The following SART3 variants were observed in gnomAD, a reference collection of about 807,000 sequenced individuals.
The protein encoded by SART3 is spliceosome associated factor 3, U4/U6 recycling protein.
SART3 carries 44 observed loss-of-function variants against 122.3 expected under a neutral mutation model. That is an observed-to-expected ratio of 0.36 (90% CI 0.28 to 0.46). The LOEUF (loss-of-function observed/expected upper bound fraction) is 0.46. Among genes scored for constraint, SART3 ranks in the 20% least tolerant of loss-of-function variants. The pLI is 1.00. For synonymous variants in SART3, 442 were observed against 454.0 expected (o/e 0.97, Z 0.34); for missense variants, 1,101 against 1,229.0 (o/e 0.90, Z 1.56).
chr12:108,558,178 T>C (rs77054706), intron 1 of SART3, among the ~76,000 whole-genome samples: 305 of 151,574 alleles, frequency 2.0e-3, no homozygotes, highest in African/African-American at 6.8e-3. Flanking sequence ...AAAAAATTAA[T>C]AAACACTGAG....
chr12:108,557,206 GTTT>G (rs71076787), intron 1 of SART3, among the ~76,000 whole-genome samples: 3,768 of 82,488 alleles, frequency 0.046, 23 homozygotes, highest in African/African-American at 0.073. Flanking sequence ...TAATGACATA[GTTT>G]TTTTTTTTTT....
At chr12:108,524,718 G>GT (rs1464850220) in intron 17 of SART3, 1 of 602,688 alleles carries the variant, frequency 1.7e-6, no homozygotes, top group Admixed American at 2.9e-5. Context: ...GCTATGCACT[G>GT]TAACTTCAGA....
Position 108,524,087 on chromosome 12 carries a change from A to G in SART3, c.2714+229T>C, listed in dbSNP as rs1872256225. The G allele has an allele frequency of 1.2e-5, 7 of 595,406 alleles. No homozygotes were observed. The East Asian group carries it at 2.0e-4, about 17-fold the overall frequency. The allele number at this position is 595,406 out of a possible 1,614,324, so 36.9% of individuals were successfully genotyped here. The stretch of plus-strand genomic sequence containing the variant: ...CACTGCCTTATTTCTGTCTGAAATA[A>G]ATGACAAGTGTAAATTGGCCAGTAC... On this transcript the variant is annotated intron_variant, in intron 18 of 18. Coordinates refer to ENST00000546815, the MANE Select transcript of SART3 (RefSeq NM_014706.4).
In SART3 at chr12:108,523,158, C is replaced by T. The variant is rs1872202972; in HGVS notation, c.*299G>A. ...CATTTGGACAACTGTGTCTCAAAAA[C>T]AGTGTGTTCTCGTTTCGCTTCTGTG... On this transcript the variant is annotated 3_prime_UTR_variant, in exon 19 of 19. Coordinates refer to ENST00000546815, the MANE Select transcript of SART3 (RefSeq NM_014706.4). 1 of 494,876 alleles carries T rather than the reference C, an allele frequency of 2.0e-6. No individual in the cohort carries two copies. Among genetic ancestry groups the T allele is most frequent in the African/African-American group, 1.9e-5 (1 of 51,824 alleles). 30.7% of individuals were successfully genotyped at this position (494,876 alleles called of 1,614,324 possible). A position where few individuals can be genotyped will look rare whatever the true frequency, so the allele number is the denominator to read the frequency against.
chr12:108,526,119 T>C lies in SART3; in HGVS notation c.2350A>G (p.Ser784Gly), dbSNP rs746263172. 2 of 1,614,204 alleles carry C rather than the reference T, an allele frequency of 1.2e-6. No individual in the cohort carries two copies. The highest frequency in any genetic ancestry group is 8.5e-7 in the Non-Finnish European group (1 of 1,180,016). ...CCTACCTTAAAATCGGGGTTTTTGC[T>C]CTTATCCACACAGGGGGAAACAAAC... ...PMFVSPCVDK[S>G]KNPDFKVFRY... The change falls in exon 16 of 19, where the codon AGC becomes GGC. Residue 784 changes from serine to glycine, a missense_variant. By Grantham distance (56) the Ser-to-Gly change is moderately conservative. Transcript: ENST00000546815.
At chr12:108,532,711 GTT>G (rs982504387) in intron 12 of SART3, 5 of 293,090 alleles carry the variant, frequency 1.7e-5, no homozygotes, top group East Asian at 8.8e-5. Context: ...TGACAGGAGA[GTT>G]ATGAATCCAG....
intron 6 of SART3, among the ~76,000 whole-genome samples, chr12:108,541,558 G>A (rs965764725): frequency 2.6e-5 from 4 of 151,406 alleles, no homozygotes; most frequent in South Asian, 2.1e-4. Context: ...TTTTTGAGAC[G>A]GAGTCTCACA....
At chr12:108,549,281 C>G (rs2029894658) in intron 1 of SART3, 67 bp from the exon 2 acceptor site, 1 of 1,534,442 alleles carries the variant, frequency 6.5e-7, no homozygotes, top group Non-Finnish European at 9.0e-7. Context: ...TTTGTCACTA[C>G]TGGTAACTAC....
At position 108,523,105 on chromosome 12, in the gene SART3, AC is replaced by A. The variant is rs2136657465; in HGVS notation, c.*351del. The A allele has an allele frequency of 2.2e-5, 8 of 369,468 alleles. 1 individual carries two copies. The highest frequency in any genetic ancestry group is 2.2e-4 in the South Asian group (8 of 37,106). 22.9% of individuals were successfully genotyped at this position (369,468 alleles called of 1,614,324 possible). ...GTGCAGGGTGGAAGAGAAGTGTCAT[AC>A]AAAAAGGGGCCGGAGCTGGCCAGAA... On this transcript the variant is annotated 3_prime_UTR_variant, in exon 19 of 19. Transcript: ENST00000546815.
chr12:108,555,105 T>C (rs1318283491), intron 1 of SART3, among the ~76,000 whole-genome samples: 1 of 152,190 alleles, frequency 6.6e-6, no homozygotes, highest in Non-Finnish European at 1.5e-5. Flanking sequence ...GTTGTATATA[T>C]GCAAATGAAA....
In SART3 at chr12:108,530,350, A is replaced by C. The variant is rs370821235; in HGVS notation, c.1747-40T>G. ...AGATGATGCATCGCTGGATGTGGCA[A>C]TTACATTCACTGTACTGATTTGTCA... On this transcript the variant is annotated intron_variant, in intron 14 of 18. Transcript: ENST00000546815. The C allele has an allele frequency of 3.4e-5, 55 of 1,605,392 alleles. No individual in the cohort carries two copies. The East Asian group carries it at 1.2e-3, about 34-fold the overall frequency.
At chr12:108,547,586 TA>T (rs1873486177) in intron 3 of SART3, among the ~76,000 whole-genome samples, 1 of 152,184 alleles carries the variant, frequency 6.6e-6, no homozygotes, top group Non-Finnish European at 1.5e-5. Context: ...CCAAAACCTC[TA>T]AAAACCTATT....
At chr12:108,551,356 C>G (rs2030002253) in intron 1 of SART3, among the ~76,000 whole-genome samples, 1 of 152,144 alleles carries the variant, frequency 6.6e-6, no homozygotes, top group African/African-American at 2.4e-5. Context: ...AAAACTATTA[C>G]AGAGCTCAAA....
intron 1 of SART3, among the ~76,000 whole-genome samples, chr12:108,550,709 A>C (rs2029970851): frequency 6.6e-6 from 1 of 152,136 alleles, no homozygotes; most frequent in Non-Finnish European, 1.5e-5. Context: ...AAAAAATACA[A>C]AAAATTAGCT....
At chr12:108,532,663 G>A (rs1593236625) in intron 12 of SART3, 1 of 334,092 alleles carries the variant, frequency 3.0e-6, no homozygotes. Flanking sequence ...TCTGTAACCT[G>A]ATACAGTCCC....
intron 12 of SART3, among the ~76,000 whole-genome samples, chr12:108,533,242 A>T (rs1355707533): frequency 6.6e-6 from 1 of 152,090 alleles, no homozygotes; most frequent in East Asian, 1.9e-4. Flanking sequence ...GGACTTTTTC[A>T]CTGTGTTGAC....
rs1252373458 is a variant in SART3, at chr12:108,522,243, TTCTG to T, written c.*1210_*1213del. Among the ~76,000 whole-genome samples, 4 of 152,328 alleles carry T rather than the reference TTCTG, an allele frequency of 2.6e-5. No individual in the cohort carries two copies. The highest frequency in any genetic ancestry group is 5.9e-5 in the Non-Finnish European group (4 of 68,040). On this transcript the variant is annotated 3_prime_UTR_variant, in exon 19 of 19. Coordinates refer to ENST00000546815, the MANE Select transcript of SART3 (RefSeq NM_014706.4). ...AGGCACACAGGAGTTTATTTTACTG[TTCTG>T]TCTACTTTTTAATCGGTTATATTAA...
At chr12:108,556,575 G>T (rs745871390) in intron 1 of SART3, among the ~76,000 whole-genome samples, 1 of 152,184 alleles carries the variant, frequency 6.6e-6, no homozygotes, top group Non-Finnish European at 1.5e-5. Context: ...ATGATCACAC[G>T]ATAGGCTGAA....
chr12:108,530,844 C>A (rs950274221), intron 14 of SART3, among the ~76,000 whole-genome samples: 1 of 150,562 alleles, frequency 6.6e-6, no homozygotes, highest in East Asian at 2.0e-4. Context: ...GGCAACAGAG[C>A]GAGACTCCGT....
Sources: allele counts gnomAD v4.1 joint callset (sites outside exome capture counted in the v4.1 genomes callset), GRCh38; gene constraint gnomAD v4.1.1; transcripts MANE v1.5; gene names NCBI Gene and HGNC (gene_info 2026-07-23, HGNC 2026-07-21).